FLNB: variants seen among roughly 807,000 people sequenced by gnomAD.
The protein encoded by FLNB is filamin B.
FLNB carries 111 observed loss-of-function variants against 250.6 expected under a neutral mutation model. The observed-to-expected ratio is 0.44, with a 90% CI of 0.38 to 0.52. FLNB has a LOEUF of 0.52. Ranked by LOEUF, FLNB falls within the 20% of genes least tolerant of loss-of-function variation. The pLI, the probability that FLNB is intolerant of heterozygous loss-of-function variation, is 0.00. For missense variants in FLNB, 2,869 were observed against 3,447.8 expected, an observed-to-expected ratio of 0.83 and a Z score of 4.20; for synonymous variants, 1,302 against 1,372.1, an observed-to-expected ratio of 0.95 and a Z score of 1.13.
intron 32 of FLNB, 103 bp from the exon 33 acceptor site, chr3:58,145,818 G>C: frequency 7.0e-7 from 1 of 1,424,020 alleles, no homozygotes; most frequent in Non-Finnish European, 9.9e-7. Context: ...TGCTTAGGAG[G>C]CGCCAGACCT....
intron 1 of FLNB, among the ~76,000 whole-genome samples, chr3:58,017,542 C>G (rs1299387899): frequency 6.6e-6 from 1 of 152,096 alleles, no homozygotes; most frequent in Non-Finnish European, 1.5e-5. Flanking sequence ...TGTGAGCCAT[C>G]GCGCCTGGCC....
chr3:58,159,152 CTG>C (rs1461087865), intron 41 of FLNB, among the ~76,000 whole-genome samples: 2 of 152,164 alleles, frequency 1.3e-5, no homozygotes, highest in Admixed American at 1.3e-4. Flanking sequence ...TAACATAAAA[CTG>C]TGTTCGTGTT....
At chr3:58,100,935 C>T (rs114345760) in intron 8 of FLNB, among the ~76,000 whole-genome samples, 63 of 152,080 alleles carry the variant, frequency 4.1e-4, no homozygotes, top group Non-Finnish European at 8.2e-4. Context: ...GGGTCTCACT[C>T]TGTTGTCCAG....
intron 1 of FLNB, among the ~76,000 whole-genome samples, chr3:58,062,669 G>C (rs1196579299): frequency 6.6e-6 from 1 of 152,204 alleles, no homozygotes; most frequent in Non-Finnish European, 1.5e-5. Context: ...CTGCAGACTA[G>C]AGCACACTGC....
intron 31 of FLNB, 102 bp from the exon 32 acceptor site, chr3:58,143,371 G>T (rs2097330411): frequency 6.5e-6 from 8 of 1,237,966 alleles, no homozygotes; most frequent in Non-Finnish European, 9.4e-6. Flanking sequence ...AATGTTCTTG[G>T]GTCTGGAAAC....
At chr3:58,015,382 C>G (rs545853765) in intron 1 of FLNB, among the ~76,000 whole-genome samples, 1 of 152,280 alleles carries the variant, frequency 6.6e-6, no homozygotes, top group East Asian at 1.9e-4. Context: ...TTTTGGAATC[C>G]TATTGCTGTC....
intron 1 of FLNB, among the ~76,000 whole-genome samples, chr3:58,009,264 G>A (rs991531450): frequency 6.6e-6 from 1 of 152,176 alleles, no homozygotes; most frequent in Non-Finnish European, 1.5e-5. Context: ...CTGCGCCCAG[G>A]TTGGTGCTCT....
chr3:58,110,453 T>A (rs961834416), intron 16 of FLNB, among the ~76,000 whole-genome samples: 19 of 141,100 alleles, frequency 1.3e-4, no homozygotes, highest in African/African-American at 3.9e-4. Context: ...GTTTTTATTT[T>A]TTTATTTTTT....
rs146348583 is a variant in FLNB, at chr3:58,145,881, T to C, written c.5426-40T>C. On this transcript the variant is annotated intron_variant, in intron 32 of 45. Transcript: ENST00000295956. ...TTGTCCAGGGTCTTCGTTCACCCCTTAATGAGCACCAATTTTGTTTGTGTC... is the reference window on the plus strand; with the variant it reads ...TTGTCCAGGGTCTTCGTTCACCCCTCAATGAGCACCAATTTTGTTTGTGTC... The C allele has an allele frequency of 1.9e-3, 3,070 of 1,613,872 alleles. 3 individuals carry two copies. The highest frequency in any genetic ancestry group is 2.1e-3 in the Non-Finnish European group (2,508 of 1,179,870).
In FLNB at chr3:58,171,047, G is replaced by T; in HGVS notation, c.*285G>T. On this transcript the variant is annotated 3_prime_UTR_variant, in exon 46 of 46. Transcript: ENST00000295956. This position sits in a 1 kb window ranked among gnomAD's most constrained non-coding sequence, Gnocchi z 5.5. ...AACAGACCAGCCACTGCAGCAGACA[G>T]ACCAGGAACACAATGAGACTGACAT... 2.4e-6 allele frequency: 1 copy of T among 420,244 alleles called. No homozygotes were observed. Among genetic ancestry groups the T allele is most frequent in the Non-Finnish European group, 4.4e-6 (1 of 229,218 alleles). 26.0% of individuals were successfully genotyped at this position (420,244 alleles called of 1,614,324 possible).
intron 18 of FLNB, among the ~76,000 whole-genome samples, chr3:58,113,450 T>G (rs13327831): frequency 0.42 from 63,970 of 151,758 alleles, 16,840 homozygotes; most frequent in East Asian, 0.97. Context: ...CGAGGAGCAG[T>G]CAAGAGTCAA....
chr3:58,064,946 A>G (rs2097183451), intron 1 of FLNB, among the ~76,000 whole-genome samples: 1 of 152,148 alleles, frequency 6.6e-6, no homozygotes, highest in Non-Finnish European at 1.5e-5. Context: ...AAGCTGAGGT[A>G]GGAGGATTGC....
At chr3:58,056,140 C>T (rs182673870) in intron 1 of FLNB, among the ~76,000 whole-genome samples, 33 of 147,598 alleles carry the variant, frequency 2.2e-4, no homozygotes, top group African/African-American at 7.3e-4. Flanking sequence ...CTCACTCTGT[C>T]GCCCAGGCTG....
chr3:58,132,399 T>C (rs2097308938), intron 25 of FLNB: 4 of 397,140 alleles, frequency 1.0e-5, no homozygotes, highest in Non-Finnish European at 1.9e-5. Context: ...TAATTTTTGC[T>C]CTTCACAATT....
At chr3:58,090,513 A>C (rs1347546056) in intron 4 of FLNB, among the ~76,000 whole-genome samples, 1 of 152,298 alleles carries the variant, frequency 6.6e-6, no homozygotes, top group Admixed American at 6.5e-5. Flanking sequence ...CCGGTAGCCC[A>C]GTGGGTTTGT....
intron 1 of FLNB, among the ~76,000 whole-genome samples, chr3:58,019,559 C>G (rs371392528): frequency 2.0e-5 from 3 of 152,226 alleles, no homozygotes; most frequent in East Asian, 1.9e-4. Flanking sequence ...TCCCTAATCC[C>G]TGCCTGCATC....
At chr3:58,122,965 T>C (rs1448580770) in intron 20 of FLNB, 128 bp from the exon 21 acceptor site, 1 of 858,398 alleles carries the variant, frequency 1.2e-6, no homozygotes, top group Non-Finnish European at 2.0e-6. Flanking sequence ...GTGTGACACA[T>C]AAAGCCCCAA....
chr3:58,021,561 G>C (rs540337863), intron 1 of FLNB, among the ~76,000 whole-genome samples: 3 of 152,142 alleles, frequency 2.0e-5, no homozygotes, highest in Non-Finnish European at 4.4e-5. Context: ...CTCCACCAAA[G>C]GAGGCAAGCT....
intron 28 of FLNB, 137 bp from the exon 29 acceptor site, chr3:58,138,145 T>C: frequency 9.1e-7 from 1 of 1,101,806 alleles, no homozygotes; most frequent in Non-Finnish European, 1.4e-6. Context: ...AGGGGATCTT[T>C]GGGATATCCC....
Sources: allele counts gnomAD v4.1 joint callset (sites outside exome capture counted in the v4.1 genomes callset), GRCh38; gene constraint gnomAD v4.1.1; non-coding constraint Gnocchi (gnomAD v3.1); transcripts MANE v1.5; gene names NCBI Gene and HGNC (gene_info 2026-07-23, HGNC 2026-07-21).